Variants in ANKRD40CL observed in about 807,000 individuals in gnomAD.
ANKRD40CL encodes putative ANKRD40 C-terminal-like protein.
For synonymous variants in ANKRD40CL, 5 were observed against 2.3 expected, an observed-to-expected ratio of 2.14 and a Z score of -1.04; for missense variants, 11 against 6.4, an observed-to-expected ratio of 1.71 and a Z score of -0.77.
chr17:50,765,498 G>GA, intron 2 of ANKRD40CL, among the ~76,000 whole-genome samples: 2 of 152,310 alleles, frequency 1.3e-5, no homozygotes, highest in Admixed American at 1.3e-4. Flanking sequence ...TTTCAGACAG[G>GA]AAAATTGAGG....
intron 2 of ANKRD40CL, 180 bp downstream of exon 2, chr17:50,766,694 C>A: frequency 1.9e-6 from 1 of 533,176 alleles, no homozygotes; most frequent in Non-Finnish European, 3.3e-6. Flanking sequence ...TAGCTATAGA[C>A]ACTTGCTTCC....
intron 3 of ANKRD40CL, chr17:50,762,870 C>T (rs1165587759): frequency 2.6e-5 from 4 of 151,724 alleles, no homozygotes; most frequent in African/African-American, 7.3e-5. Context: ...TGAACTAAAG[C>T]CTTAAATTGG....
intron 2 of ANKRD40CL, among the ~76,000 whole-genome samples, chr17:50,765,692 A>C (rs1284493701): frequency 6.6e-6 from 1 of 152,080 alleles, no homozygotes; most frequent in Non-Finnish European, 1.5e-5. Flanking sequence ...CGACCTCCCC[A>C]CTTGAACGCA....
rs577916954 is a variant in ANKRD40CL, at chr17:50,761,914, C to A, written c.202-408G>T. 6.8e-4 allele frequency among the ~76,000 whole-genome samples: 103 copies of A among 152,006 alleles called. No homozygotes were observed. In the Middle Eastern group the frequency reaches 0.01, roughly 15 times the overall value. On this transcript the variant is annotated intron_variant, in intron 3 of 3. Transcript: ENST00000450727. ...CTGGGATTACAGGTGTGAGCCACTG[C>A]GCCCGGTCCCCATAAGATAGTTCTG...
intron 2 of ANKRD40CL, chr17:50,766,577 A>G (rs1004705539): frequency 3.2e-5 from 12 of 372,830 alleles, no homozygotes; most frequent in Non-Finnish European, 5.3e-5. Flanking sequence ...GAGGTTAACA[A>G]TCCTACCTCA....
intron 3 of ANKRD40CL, 176 bp downstream of exon 3, chr17:50,763,221 A>G (rs1465321328): frequency 2.5e-6 from 1 of 395,278 alleles, no homozygotes; most frequent in Non-Finnish European, 4.5e-6. Flanking sequence ...TAAAAGGTTT[A>G]TGGATTAGAT....
Position 50,764,538 on chromosome 17 carries a change from A to G in ANKRD40CL, c.41-981T>C, listed in dbSNP as rs1216163532. On this transcript the variant is annotated intron_variant, in intron 2 of 3. Transcript: ENST00000450727. The stretch of plus-strand genomic sequence containing the variant: ...GTGCTTAGCTCAAGTTTTTACTTAA[A>G]TATTTTTGGCACAGAGTGCTTTATG... 1.9e-5 allele frequency: 5 copies of G among 267,808 alleles called. No individual in the cohort carries two copies. In the East Asian group the frequency reaches 2.5e-4, roughly 13 times the overall value. The allele number at this position is 267,808 out of a possible 1,614,324, so 16.6% of individuals were successfully genotyped here.
In ANKRD40CL at chr17:50,766,987, C is replaced by T. The variant is rs1303470059; in HGVS notation, c.-74G>A. 7 of 702,398 alleles carry T rather than the reference C, an allele frequency of 1.0e-5. No homozygotes were observed. The South Asian group carries it at 1.0e-4, about 10-fold the overall frequency. The allele number at this position is 702,398 out of a possible 1,614,324, so 43.5% of individuals were successfully genotyped here. On this transcript the variant is annotated 5_prime_UTR_variant, in exon 2 of 4. The change creates a new upstream start codon in the 5' untranslated region. Transcript: ENST00000450727. ...CAAGCTCCCAACCAAATAAAAAGCA[C>T]TTTCTACAGCCTCAGCACATCTGTC...
chr17:50,766,276 C>A (rs1162318121), intron 2 of ANKRD40CL, among the ~76,000 whole-genome samples: 2 of 152,164 alleles, frequency 1.3e-5, no homozygotes, highest in African/African-American at 4.8e-5. Flanking sequence ...CTGCCAGTAC[C>A]TGACCTGATA....
intron 3 of ANKRD40CL, among the ~76,000 whole-genome samples, chr17:50,761,753 T>C (rs1971205535): frequency 6.6e-6 from 1 of 152,050 alleles, no homozygotes; most frequent in African/African-American, 2.4e-5. Flanking sequence ...GCCTCCTGAG[T>C]AGCTGGGATT....
intron 3 of ANKRD40CL, among the ~76,000 whole-genome samples, chr17:50,762,294 A>G (rs961160546): frequency 6.6e-6 from 1 of 152,188 alleles, no homozygotes; most frequent in African/African-American, 2.4e-5. Context: ...TATACACTAT[A>G]AGCCAAGACA....
rs1971330950 is a variant in ANKRD40CL, at chr17:50,766,936, T to A, written c.-23A>T. The A allele has an allele frequency of 1.4e-6, 1 of 701,166 alleles. No homozygotes were observed. The allele number at this position is 701,166 out of a possible 1,614,324, so 43.4% of individuals were successfully genotyped here. On this transcript the variant is annotated 5_prime_UTR_variant, in exon 2 of 4. Transcript: ENST00000450727. ...CATGAGTCACCTCTAGTCCGTCAGA[T>A]GTGCAGCCCCTCTCGCATTTATGCA...
intron 2 of ANKRD40CL, chr17:50,764,482 G>A (rs1971261549): frequency 5.6e-6 from 2 of 358,700 alleles, no homozygotes; most frequent in Non-Finnish European, 9.9e-6. Context: ...TAAATGGTGC[G>A]TAATCTGGGG....
chr17:50,764,147 T>C (rs990890433), intron 2 of ANKRD40CL: 2 of 398,702 alleles, frequency 5.0e-6, no homozygotes, highest in East Asian at 3.6e-5. Context: ...CCTGGTCACA[T>C]AGGGGCTGAG....
intron 3 of ANKRD40CL, among the ~76,000 whole-genome samples, chr17:50,761,993 G>C (rs771394306): frequency 6.6e-5 from 10 of 151,646 alleles, no homozygotes; most frequent in Non-Finnish European, 1.2e-4. Flanking sequence ...GGAGTGCAGT[G>C]GCACAGTCAC....
chr17:50,765,669 G>A (rs965298790), intron 2 of ANKRD40CL, among the ~76,000 whole-genome samples: 16 of 152,166 alleles, frequency 1.1e-4, no homozygotes, highest in African/African-American at 3.9e-4. Flanking sequence ...AATGGGTGAC[G>A]CCCAGGGTAT....
chr17:50,761,314 C>G lies in ANKRD40CL; in HGVS notation c.*49G>C, dbSNP rs1282417555. ...CTGCCCACCTTGGCTTCCTAAAGTGCTGGGATTACAGGGGGTGAGCCACCA... is the reference window on the plus strand; with the variant it reads ...CTGCCCACCTTGGCTTCCTAAAGTGGTGGGATTACAGGGGGTGAGCCACCA... On this transcript the variant is annotated 3_prime_UTR_variant, in exon 4 of 4. Transcript: ENST00000450727. The G allele has an allele frequency of 2.5e-6, 1 of 395,992 alleles. No individual in the cohort carries two copies. The highest frequency in any genetic ancestry group is 2.1e-5 in the African/African-American group (1 of 48,486). The allele number at this position is 395,992 out of a possible 1,614,324, so 24.5% of individuals were successfully genotyped here. A position where few individuals can be genotyped will look rare whatever the true frequency, so the allele number is the denominator to read the frequency against.
intron 2 of ANKRD40CL, among the ~76,000 whole-genome samples, chr17:50,765,366 C>T (rs956790138): frequency 6.6e-6 from 1 of 152,210 alleles, no homozygotes; most frequent in African/African-American, 2.4e-5. Context: ...TGTCCTAAAA[C>T]ACCACCAAGC....
intron 3 of ANKRD40CL, among the ~76,000 whole-genome samples, chr17:50,762,689 G>A (rs1346132650): frequency 6.6e-6 from 1 of 151,858 alleles, no homozygotes; most frequent in African/African-American, 2.4e-5. Context: ...TTTAAATCTG[G>A]GAAATATATA....
Sources: gnomAD v4.1 joint callset for allele counts (sites outside exome capture counted in the v4.1 genomes callset) on GRCh38, gnomAD v4.1.1 for gene constraint, MANE v1.5 for transcripts, NCBI Gene and HGNC (gene_info 2026-07-23, HGNC 2026-07-21) for gene names.